Variants in HNRNPR observed in about 807,000 individuals in gnomAD.
The protein encoded by HNRNPR is heterogeneous nuclear ribonucleoprotein R.
In HNRNPR, 4 loss-of-function variants were observed where a neutral mutation model predicts 70.3. That is an observed-to-expected ratio of 0.06 (90% confidence interval 0.03 to 0.13). HNRNPR has a LOEUF of 0.13. Among genes scored for constraint, HNRNPR ranks in the 10% least tolerant of loss-of-function variants. HNRNPR has a pLI of 1.00. For synonymous variants in HNRNPR, 241 were observed against 267.6 expected (o/e 0.90, Z 0.97); for missense variants, 423 against 788.5 (o/e 0.54, Z 5.55).
At chr1:23,331,648 T>C (rs1646229364) in intron 5 of HNRNPR, among the ~76,000 whole-genome samples, 1 of 150,500 alleles carries the variant, frequency 6.6e-6, no homozygotes, top group African/African-American at 2.4e-5. Flanking sequence ...AATTGCACCA[T>C]TACACTCCAG....
intron 8 of HNRNPR, among the ~76,000 whole-genome samples, chr1:23,315,389 A>G (rs1436933595): frequency 6.6e-6 from 1 of 151,960 alleles, no homozygotes; most frequent in Non-Finnish European, 1.5e-5. Flanking sequence ...GTACTGTGCC[A>G]TAGTTTAGTT....
At chr1:23,323,445 T>C (rs979911710) in intron 6 of HNRNPR, 111 bp downstream of exon 6, 1 of 1,035,084 alleles carries the variant, frequency 9.7e-7, no homozygotes, top group African/African-American at 1.6e-5. Context: ...TATAAAAACA[T>C]TCCAAGCAAC....
chr1:23,336,709 GAGA>G (rs1209127489), intron 4 of HNRNPR, among the ~76,000 whole-genome samples: 1 of 142,968 alleles, frequency 7.0e-6, no homozygotes, highest in Non-Finnish European at 1.5e-5. Context: ...GAGATGAGCT[GAGA>G]TGGCGCTACT....
rs1275095892 is a variant in HNRNPR at position 23,308,080 on chromosome 1, C to T, written c.*2374G>A. Reference sequence around the variant, plus strand: ...TACAAGACATGAAAGAAGAAAAGCTCTTGAGTTTTAATGTTTATAGGATTA... The same window carrying T: ...TACAAGACATGAAAGAAGAAAAGCTTTTGAGTTTTAATGTTTATAGGATTA... On this transcript the variant is annotated 3_prime_UTR_variant, in exon 11 of 11. Coordinates refer to ENST00000302271, the MANE Select transcript of HNRNPR (RefSeq NM_005826.5). The T allele has an allele frequency of 1.3e-5, 2 of 152,012 alleles. No homozygotes were observed. Among genetic ancestry groups the T allele is most frequent in the African/African-American group, 4.8e-5 (2 of 41,422 alleles). 9.4% of individuals were successfully genotyped at this position (152,012 alleles called of 1,614,324 possible).
chr1:23,317,637 T>A (rs1430974240), intron 8 of HNRNPR, among the ~76,000 whole-genome samples: 4 of 152,074 alleles, frequency 2.6e-5, no homozygotes, highest in African/African-American at 4.8e-5. Flanking sequence ...AGAGCAAACA[T>A]GACAATCTTT....
intron 9 of HNRNPR, among the ~76,000 whole-genome samples, chr1:23,312,571 CTGAG>C (rs1447060690): frequency 6.6e-6 from 1 of 152,162 alleles, no homozygotes; most frequent in Non-Finnish European, 1.5e-5. Flanking sequence ...CAGATTATTA[CTGAG>C]TTTGTGATCT....
At chr1:23,339,873 A>G (rs866620709) in intron 2 of HNRNPR, among the ~76,000 whole-genome samples, 3 of 152,184 alleles carry the variant, frequency 2.0e-5, no homozygotes, top group African/African-American at 7.2e-5. Context: ...TCTACAAGAG[A>G]GCATCTCTAA....
chr1:23,327,440 C>T (rs1570025746), intron 5 of HNRNPR, among the ~76,000 whole-genome samples: 1 of 152,238 alleles, frequency 6.6e-6, no homozygotes, highest in East Asian at 1.9e-4. Context: ...GCAATCCTAG[C>T]ACTTTGGGAG....
chr1:23,308,994 C>T lies in HNRNPR; in HGVS notation c.*1460G>A, dbSNP rs559000874. 1 of 152,176 alleles carries T rather than the reference C, an allele frequency of 6.6e-6. No homozygotes were observed. Among genetic ancestry groups the T allele is most frequent in the East Asian group, 1.9e-4 (1 of 5,186 alleles). 9.4% of individuals were successfully genotyped at this position (152,176 alleles called of 1,614,324 possible). On this transcript the variant is annotated 3_prime_UTR_variant, in exon 11 of 11. Coordinates refer to ENST00000302271, the MANE Select transcript of HNRNPR (RefSeq NM_005826.5). ...TTAATAGTAATTTGAAAGTGATTCA[C>T]TTTTCTGTACCGTAAAGCTTAGATT... is the stretch of plus-strand genomic sequence containing the variant.
rs771832760 is a variant in HNRNPR, at chr1:23,318,450, G to C, written c.1017+33C>G. The stretch of plus-strand genomic sequence containing the variant: ...ATTCTGAGTACAAAATTTAAATGAT[G>C]ACCCTATGCCCATTCCAAGCAACTG... On this transcript the variant is annotated intron_variant, in intron 8 of 10. Transcript: ENST00000302271. This position sits in a 1 kb window ranked among gnomAD's most constrained non-coding sequence, Gnocchi z 4.2. 15 of 1,510,916 alleles carry C rather than the reference G, an allele frequency of 9.9e-6. No individual in the cohort carries two copies. The South Asian group carries it at 1.6e-4, about 16-fold the overall frequency. 93.6% of individuals were successfully genotyped at this position (1,510,916 alleles called of 1,614,324 possible). A position where few individuals can be genotyped will look rare whatever the true frequency, so the allele number is the denominator to read the frequency against.
In HNRNPR at chr1:23,331,405, T is replaced by TAAAAAAAAAAA. The variant is rs59528152; in HGVS notation, c.498+2102_498+2112dup. On this transcript the variant is annotated intron_variant, in intron 5 of 10. Transcript: ENST00000302271. Reference sequence around the variant, plus strand: ...GGGAGACTCCATCTCCACAAAAAATTAAAAAAAAAAAAAAAAATAGCTGGG... The same window carrying TAAAAAAAAAAA: ...GGGAGACTCCATCTCCACAAAAAATTAAAAAAAAAAAAAAAAAAAAAAAAAAAATAGCTGGG... Among the ~76,000 whole-genome samples, 136 of 127,230 alleles carry TAAAAAAAAAAA rather than the reference T, an allele frequency of 1.1e-3. 1 individual carries two copies. The highest frequency in any genetic ancestry group is 3.8e-3 in the African/African-American group (127 of 33,364). 83.5% of individuals were successfully genotyped at this position (127,230 alleles called of 152,430 possible).
intron 5 of HNRNPR, among the ~76,000 whole-genome samples, chr1:23,332,053 A>C (rs1646254748): frequency 6.6e-6 from 1 of 151,414 alleles, no homozygotes; most frequent in South Asian, 2.1e-4. Context: ...AATCGCTTGA[A>C]CCTGCGAGGC....
intron 7 of HNRNPR, among the ~76,000 whole-genome samples, chr1:23,319,603 T>A (rs1345529913): frequency 6.6e-6 from 1 of 152,158 alleles, no homozygotes; most frequent in East Asian, 1.9e-4. Flanking sequence ...CAAGCCCCTA[T>A]CCACAGAGCG....
intron 8 of HNRNPR, among the ~76,000 whole-genome samples, chr1:23,314,318 G>T (rs1158773369): frequency 6.6e-6 from 1 of 152,088 alleles, no homozygotes; most frequent in Non-Finnish European, 1.5e-5. Flanking sequence ...ACACTGGAGT[G>T]GGGATGACCT....
chr1:23,323,853 A>C, intron 5 of HNRNPR, 121 bp from the exon 6 acceptor site: 4 of 763,224 alleles, frequency 5.2e-6, no homozygotes, highest in Non-Finnish European at 8.9e-6. Context: ...GAATGGAAAC[A>C]ATCTGAAACT....
Position 23,318,518 on chromosome 1 carries a change from G to C in HNRNPR, c.982C>G (p.Pro328Ala), listed in dbSNP as rs1452420791. The C allele has an allele frequency of 6.2e-7, 1 of 1,614,074 alleles. No individual in the cohort carries two copies. The highest frequency in any genetic ancestry group is 8.5e-7 in the Non-Finnish European group (1 of 1,180,002). Residue 328 changes from proline (P) to alanine (A), a missense_variant, in exon 8 of 11, where the codon CCT becomes GCT. Coordinates refer to ENST00000302271, the MANE Select transcript of HNRNPR (RefSeq NM_005826.5). This position sits in a 1 kb window ranked among gnomAD's most constrained non-coding sequence, Gnocchi z 4.2. ...ACTTCTGGATCTGGTTCTTCCACAG[G>C]GTCAGCCCATTCAACTGTAACTACA... is the stretch of plus-strand genomic sequence containing the variant. ...GNVVTVEWAD[P>A]VEEPDPEVMA...
rs1645266948 is a variant in HNRNPR, at chr1:23,309,816, A to G, written c.*638T>C. ...TGAATAGATTTTTTAGTTTTATTGA[A>G]ATCTTACATGAACAAGAAATTGGAA... is the stretch of plus-strand genomic sequence containing the variant. On this transcript the variant is annotated 3_prime_UTR_variant, in exon 11 of 11. Transcript: ENST00000302271. The G allele has an allele frequency of 6.6e-6, 1 of 152,634 alleles. No individual in the cohort carries two copies. Among genetic ancestry groups the G allele is most frequent in the South Asian group, 2.1e-4 (1 of 4,832 alleles). The allele number at this position is 152,634 out of a possible 1,614,324, so 9.5% of individuals were successfully genotyped here. A position where few individuals can be genotyped will look rare whatever the true frequency, so the allele number is the denominator to read the frequency against.
At chr1:23,325,123 G>A (rs1645918826) in intron 5 of HNRNPR, among the ~76,000 whole-genome samples, 2 of 152,052 alleles carry the variant, frequency 1.3e-5, no homozygotes, top group South Asian at 4.2e-4. Flanking sequence ...CTGGGCAACA[G>A]AGGGAGACTC....
chr1:23,310,332 C>T lies in HNRNPR; in HGVS notation c.*122G>A. The T allele has an allele frequency of 1.1e-6, 1 of 883,284 alleles. No homozygotes were observed. Among genetic ancestry groups the T allele is most frequent in the Non-Finnish European group, 1.7e-6 (1 of 575,348 alleles). The allele number at this position is 883,284 out of a possible 1,614,324, so 54.7% of individuals were successfully genotyped here. A position where few individuals can be genotyped will look rare whatever the true frequency, so the allele number is the denominator to read the frequency against. ...ATACACAATAGTGATTTCTTCAGCC[C>T]AATACAAATGGCAGCAAAATGCTAC... On this transcript the variant is annotated 3_prime_UTR_variant, in exon 11 of 11. Coordinates refer to ENST00000302271, the MANE Select transcript of HNRNPR (RefSeq NM_005826.5). The surrounding 1 kb of genome is among the most constrained non-coding windows in gnomAD (Gnocchi z 6.0).
Sources: allele counts gnomAD v4.1 joint callset (sites outside exome capture counted in the v4.1 genomes callset), GRCh38; gene constraint gnomAD v4.1.1; non-coding constraint Gnocchi (gnomAD v3.1); transcripts MANE v1.5; gene names NCBI Gene and HGNC (gene_info 2026-07-23, HGNC 2026-07-21).